Variants in SYT1 observed in about 807,000 individuals in gnomAD.
SYT1 encodes the protein synaptotagmin-1.
In SYT1, 8 loss-of-function variants were observed where a neutral mutation model predicts 44.8. The ratio of observed to expected loss-of-function variants is 0.18; its 90% CI spans 0.10 to 0.32. The LOEUF (loss-of-function observed/expected upper bound fraction) is 0.32, where lower values mean the gene tolerates loss of function less well. Ranked by LOEUF, SYT1 falls within the 10% of genes least tolerant of loss-of-function variation. The pLI is 1.00. For synonymous variants in SYT1, 154 were observed against 188.8 expected, an observed-to-expected ratio of 0.82 and a Z score of 1.51; for missense variants, 286 against 509.3, an observed-to-expected ratio of 0.56 and a Z score of 4.22.
intron 4 of SYT1, among the ~76,000 whole-genome samples, chr12:79,222,129 G>C (rs558139196): frequency 6.6e-6 from 1 of 151,816 alleles, no homozygotes; most frequent in Non-Finnish European, 1.5e-5. Context: ...CTCTCTCCTG[G>C]CCTATAAAAT....
chr12:78,907,682 G>T (rs1286598598), intron 1 of SYT1, among the ~76,000 whole-genome samples: 2 of 151,964 alleles, frequency 1.3e-5, no homozygotes, highest in Admixed American at 6.6e-5. Context: ...AATATAAAAT[G>T]CCAAGTGCCG....
chr12:79,251,853 G>A (rs906718014), intron 4 of SYT1, among the ~76,000 whole-genome samples: 6 of 152,024 alleles, frequency 3.9e-5, no homozygotes, highest in African/African-American at 7.2e-5. Flanking sequence ...GATTCAAAAC[G>A]TGTCTAATAT....
intron 8 of SYT1, among the ~76,000 whole-genome samples, chr12:79,313,078 C>G (rs1360575567): frequency 3.9e-5 from 6 of 152,150 alleles, no homozygotes; most frequent in Admixed American, 2.0e-4. Context: ...AGCTGGTGTT[C>G]CCAGTTTCCT....
intron 4 of SYT1, among the ~76,000 whole-genome samples, chr12:79,277,730 A>G (rs923704365): frequency 3.3e-5 from 5 of 152,108 alleles, no homozygotes; most frequent in African/African-American, 1.2e-4. Flanking sequence ...GGCAGAATTG[A>G]TAAAATACAT....
chr12:79,341,661 T>C (rs1362448770), intron 8 of SYT1, among the ~76,000 whole-genome samples: 2 of 18,106 alleles, frequency 1.1e-4, no homozygotes, highest in East Asian at 9.6e-3. Context: ...ACATTCATTC[T>C]TTTTTTTTTT....
In SYT1 at chr12:78,921,212, G is replaced by T. The variant is rs962835411; in HGVS notation, c.-217+56103G>T. Among the ~76,000 whole-genome samples, 3 of 151,898 alleles carry T rather than the reference G, an allele frequency of 2.0e-5. No homozygotes were observed. The South Asian group carries it at 6.2e-4, about 32-fold the overall frequency. On this transcript the variant is annotated intron_variant, in intron 1 of 10. Transcript: ENST00000261205. The stretch of plus-strand genomic sequence containing the variant: ...ATAATGAACAGAAGTTAGCATAGGG[G>T]AATACTTTAGAGTAGAAATTTTGGT...
intron 3 of SYT1, among the ~76,000 whole-genome samples, chr12:79,161,410 G>T (rs1403946873): frequency 6.6e-6 from 1 of 152,080 alleles, no homozygotes; most frequent in Non-Finnish European, 1.5e-5. Flanking sequence ...TAACCTAGCA[G>T]TGTAAAAGGC....
chr12:78,955,800 T>TTGTGTGTGTGTGTG lies in SYT1; in HGVS notation c.-216-21974_-216-21961dup, dbSNP rs60111282. Among the ~76,000 whole-genome samples the TTGTGTGTGTGTGTG allele has an allele frequency of 2.4e-3, 333 of 138,686 alleles. 1 individual carries two copies. Among genetic ancestry groups the TTGTGTGTGTGTGTG allele is most frequent in the African/African-American group, 7.2e-3 (266 of 36,910 alleles). 91.0% of individuals were successfully genotyped at this position (138,686 alleles called of 152,430 possible). On this transcript the variant is annotated intron_variant, in intron 1 of 10. Transcript: ENST00000261205. ...TGCGTTTTATTTTCTGCCAAGATAT[T>TTGTGTGTGTGTGTG]TGTGTGTGTGTGTGTGTGTGTGTGT... is the stretch of plus-strand genomic sequence containing the variant.
At chr12:79,031,346 G>A (rs1268481086) in intron 2 of SYT1, among the ~76,000 whole-genome samples, 1 of 150,864 alleles carries the variant, frequency 6.6e-6, no homozygotes, top group Non-Finnish European at 1.5e-5. Context: ...TATAAAATTT[G>A]AGGTTGTAGT....
rs185691575 is a variant in SYT1, at chr12:79,156,033, T to C, written c.-17-61470T>C. On this transcript the variant is annotated intron_variant, in intron 3 of 10. Coordinates refer to ENST00000261205, the MANE Select transcript of SYT1 (RefSeq NM_005639.3). ...AAAAACATATTAAAATCTACTTAGG[T>C]CTAACATCTGGTCATTGTATATCTA... is the stretch of plus-strand genomic sequence containing the variant. Among the ~76,000 whole-genome samples the C allele has an allele frequency of 1.9e-3, 283 of 152,348 alleles. 3 individuals are homozygous for C. The highest frequency in any genetic ancestry group is 6.5e-3 in the African/African-American group (272 of 41,588).
At position 79,372,697 on chromosome 12, in the gene SYT1, A is replaced by G. The variant is rs530070825; in HGVS notation, c.928+19078A>G. Among the ~76,000 whole-genome samples, 3 of 152,310 alleles carry G rather than the reference A, an allele frequency of 2.0e-5. No individual in the cohort carries two copies. The South Asian group carries it at 6.2e-4, about 32-fold the overall frequency. On this transcript the variant is annotated intron_variant, in intron 9 of 10. Transcript: ENST00000261205. ...GTTGATTATACAGGAGGATTCCCCA[A>G]CAAGTAGATCTAAAATTTCATTTCC...
intron 8 of SYT1, among the ~76,000 whole-genome samples, chr12:79,343,928 C>T (rs1032764279): frequency 3.9e-5 from 6 of 152,128 alleles, no homozygotes; most frequent in Admixed American, 2.0e-4. Context: ...TTACTGGTTT[C>T]GACTACATGT....
intron 3 of SYT1, among the ~76,000 whole-genome samples, chr12:79,053,510 T>C (rs944895403): frequency 6.6e-6 from 1 of 150,462 alleles, no homozygotes; most frequent in Non-Finnish European, 1.5e-5. Flanking sequence ...AGTACAATAA[T>C]AATAAAATTT....
intron 1 of SYT1, among the ~76,000 whole-genome samples, chr12:78,963,090 A>C (rs1360813576): frequency 6.6e-6 from 1 of 152,100 alleles, no homozygotes; most frequent in African/African-American, 2.4e-5. Context: ...TATTTCACTT[A>C]GTGTAATATC....
intron 3 of SYT1, among the ~76,000 whole-genome samples, chr12:79,095,423 T>C (rs746442887): frequency 2.4e-4 from 36 of 151,880 alleles, no homozygotes; most frequent in Non-Finnish European, 4.1e-4. Context: ...AGGGTAACAG[T>C]TATATTTACG....
At chr12:79,308,529 A>G (rs531019123) in intron 8 of SYT1, among the ~76,000 whole-genome samples, 17 of 133,936 alleles carry the variant, frequency 1.3e-4, no homozygotes, top group African/African-American at 4.5e-4. Flanking sequence ...AAGAAAGAAG[A>G]AATAAAGAAA....
At chr12:78,900,964 C>A (rs1875628793) in intron 1 of SYT1, among the ~76,000 whole-genome samples, 1 of 152,014 alleles carries the variant, frequency 6.6e-6, no homozygotes, top group Admixed American at 6.6e-5. Flanking sequence ...TCCTTTTTAT[C>A]CTTTTACATG....
intron 3 of SYT1, among the ~76,000 whole-genome samples, chr12:79,214,689 C>T (rs1460428047): frequency 6.6e-6 from 1 of 152,180 alleles, no homozygotes; most frequent in Non-Finnish European, 1.5e-5. Flanking sequence ...AATATCCCAC[C>T]TCTACAACTG....
chr12:79,411,777 A>G (rs1275789211), intron 9 of SYT1, among the ~76,000 whole-genome samples: 2 of 152,144 alleles, frequency 1.3e-5, no homozygotes, highest in African/African-American at 2.4e-5. Flanking sequence ...TGATTTTCAT[A>G]TACACATGTG....
Sources: gnomAD v4.1 joint callset for allele counts (sites outside exome capture counted in the v4.1 genomes callset) on GRCh38, gnomAD v4.1.1 for gene constraint, MANE v1.5 for transcripts, NCBI Gene and HGNC (gene_info 2026-07-23, HGNC 2026-07-21) for gene names.